The following HDAC5 variants were observed in gnomAD, a reference collection of about 807,000 sequenced individuals.
The protein encoded by HDAC5 is histone deacetylase 5, also known as antigen NY-CO-9.
A neutral mutation model predicts 133.3 loss-of-function variants in HDAC5; 25 were observed. That is an observed-to-expected ratio of 0.19 (90% CI 0.14 to 0.26). The LOEUF (loss-of-function observed/expected upper bound fraction) is 0.26. Ranked by LOEUF, HDAC5 falls within the 10% of genes least tolerant of loss-of-function variation. The pLI, the probability that HDAC5 is intolerant of heterozygous loss-of-function variation, is 1.00. For missense variants in HDAC5, 1,041 were observed against 1,460.5 expected (o/e 0.71, Z 4.68); for synonymous variants, 589 against 610.8 (o/e 0.96, Z 0.53).
In HDAC5 at chr17:44,092,752, A is replaced by T; in HGVS notation, c.696T>A (p.Pro232=). Residue 232 remains proline, a synonymous_variant, in exon 7 of 27, where the codon CCT becomes CCA. Transcript: ENST00000682912. ...DQSSPPQSGP[P]GTPPSYKLPL... ...GCAGTTTGTAGGAGGGAGGCGTCCC[A>T]GGGGGGCCGCTCTGGGGAGGGGAAC... 1.8e-6 allele frequency: 2 copies of T among 1,135,378 alleles called. No homozygotes were observed. Among genetic ancestry groups the T allele is most frequent in the South Asian group, 2.0e-5 (1 of 49,034 alleles). 70.3% of individuals were successfully genotyped at this position (1,135,378 alleles called of 1,614,324 possible). A position where few individuals can be genotyped will look rare whatever the true frequency, so the allele number is the denominator to read the frequency against.
chr17:44,083,773 CG>C, intron 17 of HDAC5, 31 bp downstream of exon 17: 1 of 1,565,304 alleles, frequency 6.4e-7, no homozygotes, highest in Non-Finnish European at 8.8e-7. Context: ...GAGAGCCGCC[CG>C]CCCACCCCCA....
Position 44,083,556 on chromosome 17 carries a change from C to T in HDAC5, c.2452G>A (p.Gly818Arg), listed in dbSNP as rs759567774. 6.2e-7 allele frequency: 1 copy of T among 1,613,386 alleles called. No homozygotes were observed. The highest frequency in any genetic ancestry group is 8.5e-7 in the Non-Finnish European group (1 of 1,179,688). The change falls in exon 18 of 27, where the codon GGA (glycine) becomes AGA (arginine). Residue 818 changes from glycine (G) to arginine (R), a missense_variant. Gly to Arg is a moderately radical substitution (Grantham distance 125). This residue lies in a region of HDAC5 where 174 missense variants were observed against 352.7 expected (regional missense o/e 0.49). Transcript: ENST00000682912. ...AAGCACACGCTCACCTTGAGCTCTCCTGCAGCCACCTTGAAGGCCAGCTCC... is the reference window on the plus strand; with the variant it reads ...AAGCACACGCTCACCTTGAGCTCTCTTGCAGCCACCTTGAAGGCCAGCTCC... ...LLELAFKVAAGELKNGFAIIR... is the reference protein window; with the variant it reads ...LLELAFKVAARELKNGFAIIR...
At chr17:44,114,091 T>C (rs1161344459) in intron 2 of HDAC5, among the ~76,000 whole-genome samples, 2 of 152,234 alleles carry the variant, frequency 1.3e-5, no homozygotes, top group Non-Finnish European at 2.9e-5. Context: ...ACACCTACTT[T>C]GGCATCTTCT....
rs571188982 is a variant in HDAC5 at position 44,078,172 on chromosome 17, C to T, written c.*204G>A. The T allele has an allele frequency of 2.0e-6, 1 of 505,528 alleles. No homozygotes were observed. Among genetic ancestry groups the T allele is most frequent in the Non-Finnish European group, 3.4e-6 (1 of 290,486 alleles). 31.3% of individuals were successfully genotyped at this position (505,528 alleles called of 1,614,324 possible). On this transcript the variant is annotated 3_prime_UTR_variant, in exon 27 of 27. Coordinates refer to ENST00000682912, the MANE Select transcript of HDAC5 (RefSeq NM_005474.5). Reference sequence around the variant, plus strand: ...CACATGGGACAGGGCTGGGAAGACACCACCACCCCCTGCAGAGGGAGCAGG... The same window carrying T: ...CACATGGGACAGGGCTGGGAAGACATCACCACCCCCTGCAGAGGGAGCAGG...
chr17:44,084,049 G>A (rs1371196819), intron 16 of HDAC5, among the ~76,000 whole-genome samples, 195 bp from the exon 17 acceptor site: 2 of 151,958 alleles, frequency 1.3e-5, no homozygotes, highest in Non-Finnish European at 2.9e-5. Context: ...GCTTGAGCCT[G>A]GGGAGACAGA....
rs201199523 is a variant in HDAC5 at position 44,082,782 on chromosome 17, G to A, written c.2502C>T (p.Ala834=). The A allele has an allele frequency of 1.8e-5, 28 of 1,566,786 alleles. No homozygotes were observed. Among genetic ancestry groups the A allele is most frequent in the Middle Eastern group, 3.3e-4 (2 of 6,006 alleles). The change falls in exon 19 of 27, where the codon GCC becomes GCT. Residue 834 remains alanine, a synonymous_variant. Coordinates refer to ENST00000682912, the MANE Select transcript of HDAC5 (RefSeq NM_005474.5). ...GCACTCACATGGCTGTGGATTCCTC[G>A]GCGTGGTGTCCTGGGGGCCGGATGA... ...FAIIRPPGHH[A]EESTAMGFCF...
At chr17:44,115,419 T>TTCAA (rs1285513858) in intron 2 of HDAC5, among the ~76,000 whole-genome samples, 1 of 152,218 alleles carries the variant, frequency 6.6e-6, no homozygotes, top group Non-Finnish European at 1.5e-5. Context: ...GTGCTCTGGC[T>TTCAA]TCAATCGGTG....
chr17:44,120,343 C>T (rs1487735957), intron 1 of HDAC5: 2 of 152,190 alleles, frequency 1.3e-5, no homozygotes, highest in African/African-American at 4.8e-5. Context: ...CTGCTCTGGC[C>T]CCAGGCCAGG....
At position 44,095,703 on chromosome 17, in the gene HDAC5, G is replaced by C. The variant is rs189258824; in HGVS notation, c.95-1869C>G. On this transcript the variant is annotated intron_variant, in intron 3 of 26. Transcript: ENST00000682912. ...AGTGAGCCAAACAGCAGCTGTGCCT[G>C]GGGGGAGGGGGAATAAGAGGATGGG... is the stretch of plus-strand genomic sequence containing the variant. 8.7e-3 allele frequency among the ~76,000 whole-genome samples: 1,329 copies of C among 152,214 alleles called. 8 individuals are homozygous for C. The highest frequency in any genetic ancestry group is 0.014 in the Non-Finnish European group (934 of 68,006).
chr17:44,093,574 C>T lies in HDAC5; in HGVS notation c.354+1G>A, dbSNP rs2051080053. The T allele has an allele frequency of 6.2e-7, 1 of 1,606,422 alleles. No homozygotes were observed. The highest frequency in any genetic ancestry group is 8.5e-7 in the Non-Finnish European group (1 of 1,175,930). The stretch of plus-strand genomic sequence containing the variant: ...CGGCCCCCCGCACCCCCCTCGCTCA[C>T]CTTGAGGTGCTTCTGCAGCTGGACC... On this transcript the variant is annotated splice_donor_variant, in intron 4 of 26. Coordinates refer to ENST00000682912, the MANE Select transcript of HDAC5 (RefSeq NM_005474.5). LOFTEE classifies it high-confidence loss of function.
chr17:44,078,964 A>G (rs1597921086), intron 24 of HDAC5, 85 bp from the exon 25 acceptor site: 1 of 1,522,930 alleles, frequency 6.6e-7, no homozygotes, highest in East Asian at 2.3e-5. Flanking sequence ...AGCCCCAGAT[A>G]TCCCTCACAA....
At chr17:44,100,000 C>T (rs1458858171) in intron 3 of HDAC5, among the ~76,000 whole-genome samples, 1 of 152,140 alleles carries the variant, frequency 6.6e-6, no homozygotes, top group East Asian at 1.9e-4. Context: ...GCCTGGTCCT[C>T]TGGGGGAGAT....
At chr17:44,083,774 G>T in intron 17 of HDAC5, 31 bp downstream of exon 17, 2 of 706,146 alleles carry the variant, frequency 2.8e-6, no homozygotes, top group African/African-American at 1.9e-5. Flanking sequence ...AGAGCCGCCC[G>T]CCCACCCCCA....
At chr17:44,115,425 C>T (rs1012505610) in intron 2 of HDAC5, among the ~76,000 whole-genome samples, 6 of 152,220 alleles carry the variant, frequency 3.9e-5, no homozygotes, top group Non-Finnish European at 7.3e-5. Context: ...TGGCTTCAAT[C>T]GGTGGTCTCA....
rs1322259146 is a variant in HDAC5 at position 44,123,635 on chromosome 17, C to T, written c.-321G>A. On this transcript the variant is annotated 5_prime_UTR_variant, in exon 1 of 27. Transcript: ENST00000682912. Reference sequence around the variant, plus strand: ...CGGCTCCGCTCGCCGCCGCCACCAACAACAACATTCGGAGACGTCACTCCC... The same window carrying T: ...CGGCTCCGCTCGCCGCCGCCACCAATAACAACATTCGGAGACGTCACTCCC... 3 of 396,494 alleles carry T rather than the reference C, an allele frequency of 7.6e-6. No homozygotes were observed. The highest frequency in any genetic ancestry group is 2.1e-5 in the African/African-American group (1 of 48,422). The allele number at this position is 396,494 out of a possible 1,614,324, so 24.6% of individuals were successfully genotyped here.
chr17:44,092,503 C>A lies in HDAC5; in HGVS notation c.797G>T (p.Arg266Leu). Reference sequence around the variant, plus strand: ...AGCCACCTTCTGTTTTAGCCTTGAACGCACTTTCAAGTTGGGTTCAGAGGC... The same window carrying A: ...AGCCACCTTCTGTTTTAGCCTTGAAAGCACTTTCAAGTTGGGTTCAGAGGC... ...KTASEPNLKV[R>L]SRLKQKVAER... The change falls in exon 8 of 27, where the codon CGT becomes CTT. Residue 266 changes from arginine (R) to leucine (L), a missense_variant. Coordinates refer to ENST00000682912, the MANE Select transcript of HDAC5 (RefSeq NM_005474.5). 1 of 1,613,738 alleles carries A rather than the reference C, an allele frequency of 6.2e-7. No homozygotes were observed. Among genetic ancestry groups the A allele is most frequent in the South Asian group, 1.1e-5 (1 of 91,074 alleles).
intron 1 of HDAC5, chr17:44,123,213 T>G: frequency 6.3e-4 from 151 of 239,044 alleles, no homozygotes; most frequent in Middle Eastern, 1.3e-3. Flanking sequence ...CTCCGAGCCA[T>G]TTGGGGGCGC....
At chr17:44,088,349 C>A in intron 12 of HDAC5, 38 bp downstream of exon 12, 1 of 1,539,668 alleles carries the variant, frequency 6.5e-7, no homozygotes. Flanking sequence ...TGTCCTGCCC[C>A]CACCACAGCC....
intron 20 of HDAC5, 57 bp downstream of exon 20, chr17:44,082,528 C>A: frequency 7.2e-7 from 1 of 1,381,814 alleles, no homozygotes. Context: ...TTCCTGAAGG[C>A]TGACCCTGGT....
Sources: allele counts gnomAD v4.1 joint callset (sites outside exome capture counted in the v4.1 genomes callset), GRCh38; gene constraint gnomAD v4.1.1; regional missense constraint gnomAD v4.1.1; transcripts MANE v1.5; gene names NCBI Gene and HGNC (gene_info 2026-07-23, HGNC 2026-07-21).